ZNF469: variants seen among roughly 807,000 people sequenced by gnomAD.
ZNF469 encodes zinc finger protein 469.
A neutral mutation model predicts 1.0 loss-of-function variants in ZNF469; 1 was observed. The observed-to-expected ratio is 1.00, with a 90% CI of 0.35 to 4.73. The LOEUF (loss-of-function observed/expected upper bound fraction) is 4.73. Among genes scored for constraint, ZNF469 ranks in the 30% most tolerant of loss-of-function variants. The pLI is 0.16. For synonymous variants in ZNF469, 2,703 were observed against 2,363.4 expected (o/e 1.14, Z -4.17); for missense variants, 6,100 against 5,356.3 (o/e 1.14, Z -4.33).
the ZNF469 span, among the ~76,000 whole-genome samples, chr16:88,112,157 G>A: frequency 1.1e-4 from 17 of 151,782 alleles, no homozygotes; most frequent in Non-Finnish European, 4.4e-5. Context: ...CAGGCGTGCC[G>A]GCCAGGCGCG....
At chr16:88,331,132 C>G in the ZNF469 span, among the ~76,000 whole-genome samples, 1 of 149,910 alleles carries the variant, frequency 6.7e-6, no homozygotes, top group South Asian at 2.2e-4. Context: ...ACCATCGTCA[C>G]CATCACCATC....
upstream of ZNF469, among the ~76,000 whole-genome samples, chr16:88,381,252 TCA>T (rs2092523832): frequency 2.6e-5 from 2 of 77,776 alleles, no homozygotes; most frequent in Admixed American, 1.3e-4. Flanking sequence ...AGACATGCAC[TCA>T]CACGCACTCA....
chr16:88,229,668 C>CAT, the ZNF469 span, among the ~76,000 whole-genome samples: 42 of 2,060 alleles, frequency 0.02, no homozygotes, highest in Non-Finnish European at 0.051. Context: ...GTGTGGATGT[C>CAT]GCGTGTGTGC....
chr16:88,298,586 G>A, the ZNF469 span, among the ~76,000 whole-genome samples: 17 of 152,284 alleles, frequency 1.1e-4, no homozygotes, highest in Non-Finnish European at 2.2e-4. Context: ...AGCTGCTGAC[G>A]ATTCTTACTC....
the ZNF469 span, among the ~76,000 whole-genome samples, chr16:88,116,839 G>C: frequency 6.6e-6 from 1 of 152,156 alleles, no homozygotes; most frequent in Admixed American, 6.5e-5. Context: ...AGTAGGGGCC[G>C]CAGGGGGGCA....
the ZNF469 span, among the ~76,000 whole-genome samples, chr16:88,330,928 C>G: frequency 6.6e-6 from 1 of 152,234 alleles, no homozygotes; most frequent in Non-Finnish European, 1.5e-5. Flanking sequence ...GCAGCAAGTG[C>G]TCACTAAACA....
chr16:88,214,489 T>C, the ZNF469 span, among the ~76,000 whole-genome samples: 1 of 151,088 alleles, frequency 6.6e-6, no homozygotes, highest in Non-Finnish European at 1.5e-5. Flanking sequence ...TTTTAGAAGG[T>C]ATGGTTTTAT....
In ZNF469 at chr16:88,431,895, CAG is replaced by C; in HGVS notation, c.4426_4427del (p.Arg1476GlyfsTer29). ...PPLYGSLSAN[R>X]DSGLPFACAD... ...CCCTCTATGGCAGCCTGTCTGCGAA[CAG>C]GGACTCCGGTCTGCCGTTCGCATGT... is the stretch of plus-strand genomic sequence containing the variant. On this transcript the variant is annotated frameshift_variant, in exon 3 of 3. Transcript: ENST00000565624. LOFTEE classifies it low-confidence loss of function (END_TRUNC). 1 of 1,549,882 alleles carries C rather than the reference CAG, an allele frequency of 6.5e-7. No individual in the cohort carries two copies. Among genetic ancestry groups the C allele is most frequent in the African/African-American group, 1.4e-5 (1 of 73,152 alleles).
In ZNF469 at chr16:88,436,050, C is replaced by A. The variant is rs1906548563; in HGVS notation, c.8580C>A (p.Ser2860=). 6.5e-7 allele frequency: 1 copy of A among 1,550,274 alleles called. No individual in the cohort carries two copies. The highest frequency in any genetic ancestry group is 8.7e-7 in the Non-Finnish European group (1 of 1,146,986). The change falls in exon 3 of 3, where the codon TCC becomes TCA. Residue 2860 remains serine (S), a synonymous_variant. Transcript: ENST00000565624. ...PSLFDDEVSF[S]QLFPPGGRLT... Reference sequence around the variant, plus strand: ...TGTTTGATGATGAGGTCTCTTTCTCCCAGCTCTTCCCTCCAGGCGGTCGCT... The same window carrying A: ...TGTTTGATGATGAGGTCTCTTTCTCACAGCTCTTCCCTCCAGGCGGTCGCT...
At chr16:88,281,146 T>C in the ZNF469 span, among the ~76,000 whole-genome samples, 24 of 139,820 alleles carry the variant, frequency 1.7e-4, no homozygotes, top group Non-Finnish European at 2.7e-4. Context: ...TGTGCCACAC[T>C]GATGCTTGGT....
At chr16:88,304,860 C>T in the ZNF469 span, among the ~76,000 whole-genome samples, 2 of 152,192 alleles carry the variant, frequency 1.3e-5, no homozygotes, top group Admixed American at 6.5e-5. Flanking sequence ...GTGCTGCCTG[C>T]ACCCTGGAGG....
the ZNF469 span, among the ~76,000 whole-genome samples, chr16:88,189,109 GC>G: frequency 6.6e-6 from 1 of 152,154 alleles, no homozygotes; most frequent in African/African-American, 2.4e-5. This position sits in a 1 kb window ranked among gnomAD's most constrained non-coding sequence, Gnocchi z 4.3. Context: ...TCTGTAGAGA[GC>G]CTCTGGAGCC....
At chr16:88,247,614 G>A in the ZNF469 span, among the ~76,000 whole-genome samples, 2 of 135,844 alleles carry the variant, frequency 1.5e-5, no homozygotes, top group Non-Finnish European at 3.1e-5. Flanking sequence ...GTGAGTGAAT[G>A]TTTGATTGAA....
At chr16:88,112,772 CTTTTTTTTTTT>C in the ZNF469 span, among the ~76,000 whole-genome samples, 1 of 73,468 alleles carries the variant, frequency 1.4e-5, no homozygotes, top group South Asian at 7.1e-4. Context: ...TGTGCAGAAG[CTTTTTTTTTTT>C]TTTTTTTTTT....
At chr16:88,181,307 T>A in the ZNF469 span, among the ~76,000 whole-genome samples, 2 of 151,758 alleles carry the variant, frequency 1.3e-5, no homozygotes, top group East Asian at 3.9e-4. Flanking sequence ...CCTGACCTCG[T>A]GATCCACCCG....
At chr16:88,305,692 G>T in the ZNF469 span, among the ~76,000 whole-genome samples, 12 of 151,880 alleles carry the variant, frequency 7.9e-5, no homozygotes, top group Non-Finnish European at 1.6e-4. Flanking sequence ...ACATGCACAC[G>T]CATGACCATA....
At chr16:88,369,296 G>GA in the ZNF469 span, among the ~76,000 whole-genome samples, 1 of 152,174 alleles carries the variant, frequency 6.6e-6, no homozygotes, top group South Asian at 2.1e-4. Flanking sequence ...CTGCCCTTGG[G>GA]ACGCCACATG....
chr16:88,189,122 C>T, the ZNF469 span, among the ~76,000 whole-genome samples: 4 of 152,144 alleles, frequency 2.6e-5, no homozygotes, highest in Admixed American at 2.6e-4. The surrounding 1 kb of genome is among the most constrained non-coding windows in gnomAD (Gnocchi z 4.3). Context: ...TCTGGAGCCT[C>T]GAGGAAGTGT....
Position 88,429,969 on chromosome 16 carries a change from C to G in ZNF469, c.2499C>G (p.Asp833Glu). Residue 833 changes from aspartate (D) to glutamate (E), a missense_variant, in exon 3 of 3, where the codon GAC becomes GAG. Asp to Glu is a conservative substitution (Grantham distance 45). Coordinates refer to ENST00000565624, the MANE Select transcript of ZNF469 (RefSeq NM_001367624.2). ...TCCCGCTCCCTGCCTCGGACCTGGA[C>G]ATGGAGGATGACGCCAAGCTGGACA... Reference protein sequence around the residue: ...TPFPLPASDLDMEDDAKLDSL... With the variant: ...TPFPLPASDLEMEDDAKLDSL... The G allele has an allele frequency of 1.3e-6, 2 of 1,550,368 alleles. No homozygotes were observed. Among genetic ancestry groups the G allele is most frequent in the Middle Eastern group, 1.7e-4 (1 of 5,992 alleles).
Sources: gnomAD v4.1 joint callset for allele counts (sites outside exome capture counted in the v4.1 genomes callset) on GRCh38, gnomAD v4.1.1 for gene constraint, Gnocchi (gnomAD v3.1) non-coding constraint, MANE v1.5 for transcripts, NCBI Gene and HGNC (gene_info 2026-07-23, HGNC 2026-07-21) for gene names.